Variants in FREM3 observed in about 807,000 individuals in gnomAD.
FREM3 encodes FRAS1-related extracellular matrix protein 3.
FREM3 carries 105 observed loss-of-function variants against 129.1 expected under a neutral mutation model. The ratio of observed to expected loss-of-function variants is 0.81; its 90% CI spans 0.69 to 0.96. The LOEUF (loss-of-function observed/expected upper bound fraction) is 0.96, where lower values mean the gene tolerates loss of function less well. Among genes scored for constraint, FREM3 ranks in the 40% least tolerant of loss-of-function variants. The probability of loss-of-function intolerance (pLI) is 0.00; values close to 1 mark genes in which losing one functional copy is unlikely to be tolerated. For missense variants in FREM3, 2,593 were observed against 2,666.3 expected, an observed-to-expected ratio of 0.97 and a Z score of 0.61; for synonymous variants, 1,014 against 1,044.9, an observed-to-expected ratio of 0.97 and a Z score of 0.57.
chr4:143,634,348 A>T (rs974382192), intron 2 of FREM3, among the ~76,000 whole-genome samples: 1 of 152,130 alleles, frequency 6.6e-6, no homozygotes, highest in African/African-American at 2.4e-5. Context: ...CAATCTTTGT[A>T]TTTTGTTAGG....
chr4:143,654,343 A>G (rs1288194799), intron 2 of FREM3, among the ~76,000 whole-genome samples: 4 of 152,162 alleles, frequency 2.6e-5, no homozygotes, highest in African/African-American at 9.7e-5. Flanking sequence ...GCCTCAAGTG[A>G]TCTGCCCGCC....
intron 2 of FREM3, among the ~76,000 whole-genome samples, chr4:143,662,226 A>G (rs1309693725): frequency 1.3e-5 from 2 of 152,198 alleles, no homozygotes; most frequent in East Asian, 3.8e-4. Flanking sequence ...GTGGGCATTT[A>G]GTGCTACAAA....
At chr4:143,693,689 A>T (rs1740514402) in intron 1 of FREM3, among the ~76,000 whole-genome samples, 1 of 152,238 alleles carries the variant, frequency 6.6e-6, no homozygotes, top group Non-Finnish European at 1.5e-5. Flanking sequence ...AAAGACATTG[A>T]ATCAACCTAA....
intron 2 of FREM3, among the ~76,000 whole-genome samples, chr4:143,666,670 A>G (rs1331230521): frequency 2.0e-5 from 3 of 152,182 alleles, no homozygotes; most frequent in African/African-American, 7.2e-5. Context: ...TGAAATATCT[A>G]GAAAGGTAAA....
intron 2 of FREM3, among the ~76,000 whole-genome samples, chr4:143,654,318 G>T (rs551414915): frequency 6.6e-6 from 1 of 152,254 alleles, no homozygotes; most frequent in African/African-American, 2.4e-5. Flanking sequence ...GGTCAGGCTG[G>T]TCTTGGAACT....
Position 143,697,812 on chromosome 4 carries a change from A to G in FREM3, c.2864T>C (p.Val955Ala). The G allele has an allele frequency of 2.0e-6, 3 of 1,537,668 alleles. No individual in the cohort carries two copies. The highest frequency in any genetic ancestry group is 3.3e-4 in the Middle Eastern group (2 of 5,992). Residue 955 changes from valine to alanine, a missense_variant, in exon 1 of 8, where the codon GTT (valine) becomes GCT (alanine). By Grantham distance (64) the Val-to-Ala change is moderately conservative. Around this residue, in one of 2 missense-constraint regions of FREM3, gnomAD observed 2,276 missense variants for 2,267.2 expected, o/e 1.00. Transcript: ENST00000329798. The part of the protein sequence containing the change: ...ISLRSSSLLD[V>A]SIDVLENKAT... ...TTTATTCTCTAGTACGTCTATAGAA[A>G]CATCCAATAATGAACTACTTCTGAG... is the stretch of plus-strand genomic sequence containing the variant.
chr4:143,653,179 G>A (rs116495122), intron 2 of FREM3, among the ~76,000 whole-genome samples: 3,082 of 152,240 alleles, frequency 0.02, 42 homozygotes, highest in Non-Finnish European at 0.03. Context: ...ATATCTCACA[G>A]CTTCAATGAG....
chr4:143,675,254 C>A (rs1740093709), intron 2 of FREM3, among the ~76,000 whole-genome samples: 1 of 152,148 alleles, frequency 6.6e-6, no homozygotes, highest in Non-Finnish European at 1.5e-5. Flanking sequence ...AACCGCTCAA[C>A]TACATGGAAA....
At chr4:143,694,633 T>G (rs533545537) in intron 1 of FREM3, among the ~76,000 whole-genome samples, 1 of 152,310 alleles carries the variant, frequency 6.6e-6, no homozygotes, top group East Asian at 1.9e-4. Flanking sequence ...ATTGCATTCT[T>G]TCTTTTTTTG....
chr4:143,620,776 C>T (rs771755794), intron 5 of FREM3, among the ~76,000 whole-genome samples: 3 of 152,144 alleles, frequency 2.0e-5, no homozygotes, highest in Non-Finnish European at 2.9e-5. Context: ...TTGACTAGCC[C>T]CTTCGTGGGG....
intron 2 of FREM3, among the ~76,000 whole-genome samples, chr4:143,683,403 C>G (rs1560871452): frequency 6.6e-6 from 1 of 152,308 alleles, no homozygotes; most frequent in Admixed American, 6.5e-5. Flanking sequence ...TAAACACACA[C>G]CCCCATTGGA....
chr4:143,687,060 T>C (rs1015756387), intron 2 of FREM3, among the ~76,000 whole-genome samples: 18 of 151,880 alleles, frequency 1.2e-4, no homozygotes, highest in African/African-American at 4.3e-4. Flanking sequence ...TTTTCAAAGA[T>C]ATTATCTTTG....
At chr4:143,621,440 T>A (rs1487850151) in intron 4 of FREM3, among the ~76,000 whole-genome samples, 3 of 152,242 alleles carry the variant, frequency 2.0e-5, no homozygotes, top group Non-Finnish European at 4.4e-5. Context: ...GTCTTTTTTT[T>A]CTTCTGAGAT....
Position 143,666,287 on chromosome 4 carries a change from T to TA in FREM3, c.5275+26825dup, listed in dbSNP as rs199502229. Among the ~76,000 whole-genome samples the TA allele has an allele frequency of 8.5e-5, 13 of 152,216 alleles. No homozygotes were observed. In the East Asian group the frequency reaches 2.1e-3, roughly 25 times the overall value. On this transcript the variant is annotated intron_variant, in intron 2 of 7. Transcript: ENST00000329798. ...TATTACAACACAATTATTAGGATAT[T>TA]AAAAAAATTCTGCAACTGCTATGGA...
intron 7 of FREM3, among the ~76,000 whole-genome samples, chr4:143,580,474 TG>T (rs1738111395): frequency 6.6e-6 from 1 of 152,168 alleles, no homozygotes. Context: ...GTGTGGAGAC[TG>T]GGCAGAGCTA....
In FREM3 at chr4:143,646,766, G is replaced by A. The variant is rs115723512; in HGVS notation, c.5276-19006C>T. On this transcript the variant is annotated intron_variant, in intron 2 of 7. Coordinates refer to ENST00000329798, the MANE Select transcript of FREM3 (RefSeq NM_001168235.2). ...CGAAGCATGAGAACAGACTAATGCA[G>A]TAAATTTGATACTGCAGAGAGTGGG... Among the ~76,000 whole-genome samples the A allele has an allele frequency of 2.4e-3, 363 of 152,312 alleles. 2 individuals are homozygous for A. The highest frequency in any genetic ancestry group is 8.0e-3 in the African/African-American group (334 of 41,570).
At chr4:143,598,144 A>C (rs1738515123) in intron 6 of FREM3, among the ~76,000 whole-genome samples, 1 of 152,184 alleles carries the variant, frequency 6.6e-6, no homozygotes, top group African/African-American at 2.4e-5. Context: ...TCAGCATATA[A>C]ATTTGGGGGA....
At chr4:143,692,077 G>T (rs897380130) in intron 2 of FREM3, among the ~76,000 whole-genome samples, 1 of 152,076 alleles carries the variant, frequency 6.6e-6, no homozygotes, top group African/African-American at 2.4e-5. Context: ...TAGTTAATGG[G>T]CACCTATCTT....
Position 143,698,636 on chromosome 4 carries a change from A to T in FREM3, c.2040T>A (p.His680Gln). 6.5e-7 allele frequency: 1 copy of T among 1,537,832 alleles called. No homozygotes were observed. Among genetic ancestry groups the T allele is most frequent in the South Asian group, 1.2e-5 (1 of 84,062 alleles). The change falls in exon 1 of 8, where the codon CAT becomes CAA. Residue 680 changes from histidine to glutamine, a missense_variant. By Grantham distance (24) the His-to-Gln change is conservative. This residue lies in a region of FREM3 where 2,276 missense variants were observed against 2,267.2 expected (regional missense o/e 1.00). Transcript: ENST00000329798. Reference sequence around the variant, plus strand: ...GCTGTTTGGAGAGATTGGGTGGGTCATGGTCATCCTGCACATGGAAAGCCA... The same window carrying T: ...GCTGTTTGGAGAGATTGGGTGGGTCTTGGTCATCCTGCACATGGAAAGCCA... ...VQLAFHVQDD[H>Q]DPPNLSKQHI...
Sources: allele counts gnomAD v4.1 joint callset (sites outside exome capture counted in the v4.1 genomes callset), GRCh38; gene constraint gnomAD v4.1.1; regional missense constraint gnomAD v4.1.1; transcripts MANE v1.5; gene names NCBI Gene and HGNC (gene_info 2026-07-23, HGNC 2026-07-21).